Variants in ANAPC1 observed in about 807,000 individuals in gnomAD.
The protein encoded by ANAPC1 is anaphase-promoting complex subunit 1.
A neutral mutation model predicts 208.0 loss-of-function variants in ANAPC1; 36 were observed. That is an observed-to-expected ratio of 0.17 (90% CI 0.13 to 0.23). The LOEUF is 0.23. ANAPC1 is among the 10% of genes least tolerant of loss of function. ANAPC1 has a pLI of 1.00. For synonymous variants in ANAPC1, 378 were observed against 695.2 expected (o/e 0.54, Z 7.18); for missense variants, 942 against 2,011.6 (o/e 0.47, Z 10.17).
chr2:111,849,526 C>T (rs907099346), intron 14 of ANAPC1, among the ~76,000 whole-genome samples: 2 of 152,184 alleles, frequency 1.3e-5, no homozygotes, highest in African/African-American at 2.4e-5. Flanking sequence ...TAAACATCCA[C>T]ACTCACATGT....
chr2:111,877,538 A>G (rs1041722776), intron 3 of ANAPC1, among the ~76,000 whole-genome samples: 10 of 152,202 alleles, frequency 6.6e-5, no homozygotes, highest in Non-Finnish European at 1.0e-4. Context: ...GCACTTTGGG[A>G]GGCCGAGGTG....
chr2:111,788,965 C>T (rs1182991294), intron 38 of ANAPC1, among the ~76,000 whole-genome samples: 1 of 152,198 alleles, frequency 6.6e-6, no homozygotes, highest in Non-Finnish European at 1.5e-5. Context: ...GGTGAAACCC[C>T]ATCTCTACTA....
chr2:111,863,923 A>G (rs774177823), intron 8 of ANAPC1, 28 bp from the exon 9 acceptor site: 27 of 995,954 alleles, frequency 2.7e-5, no homozygotes, highest in Middle Eastern at 2.9e-4. Flanking sequence ...AGAAAGAGGA[A>G]AAAAAAAAAA....
intron 16 of ANAPC1, among the ~76,000 whole-genome samples, chr2:111,846,534 CATATATAT>C (rs1158119946): frequency 0.043 from 2,966 of 68,228 alleles, 145 homozygotes; most frequent in African/African-American, 0.11. Context: ...TATACATATA[CATATATAT>C]ATATATATAT....
chr2:111,879,169 C>T (rs1683169519), intron 2 of ANAPC1, among the ~76,000 whole-genome samples, 198 bp from the exon 3 acceptor site: 1 of 152,156 alleles, frequency 6.6e-6, no homozygotes, highest in African/African-American at 2.4e-5. Context: ...CAATAATTCT[C>T]TATATTGAAT....
intron 17 of ANAPC1, among the ~76,000 whole-genome samples, chr2:111,842,344 T>C (rs1680808957): frequency 6.6e-6 from 1 of 152,046 alleles, no homozygotes; most frequent in African/African-American, 2.4e-5. Context: ...AAAAACAAAT[T>C]TTAAAAATGG....
chr2:111,860,366 G>A (rs1247917183), intron 10 of ANAPC1, among the ~76,000 whole-genome samples: 1 of 148,640 alleles, frequency 6.7e-6, no homozygotes, highest in Non-Finnish European at 1.5e-5. Context: ...TTATAGTTCA[G>A]CAAAAACAAA....
intron 10 of ANAPC1, among the ~76,000 whole-genome samples, chr2:111,861,096 C>G (rs3863963): frequency 6.6e-6 from 1 of 151,918 alleles, no homozygotes; most frequent in East Asian, 1.9e-4. Context: ...TTTTCTTTTT[C>G]AGACAGTCTC....
intron 9 of ANAPC1, 47 bp downstream of exon 9, chr2:111,863,628 A>G: frequency 6.4e-7 from 1 of 1,564,608 alleles, no homozygotes; most frequent in Non-Finnish European, 8.7e-7. Context: ...TAAATCCTTC[A>G]AAACAAAACA....
At chr2:111,836,648 T>TA (rs57903027) in intron 18 of ANAPC1, among the ~76,000 whole-genome samples, 10,532 of 142,030 alleles carry the variant, frequency 0.074, 539 homozygotes, top group South Asian at 0.22. Context: ...CCCTGTCTCT[T>TA]AAAAAAAAAA....
intron 13 of ANAPC1, among the ~76,000 whole-genome samples, chr2:111,853,271 G>T (rs959436187): frequency 1.3e-5 from 2 of 152,070 alleles, no homozygotes; most frequent in Admixed American, 1.3e-4. Context: ...ATATAGTTGG[G>T]CTGTATTTTC....
intron 14 of ANAPC1, 48 bp downstream of exon 14, chr2:111,850,728 T>G (rs1456203637): frequency 1.9e-6 from 3 of 1,592,318 alleles, no homozygotes; most frequent in Admixed American, 3.7e-5. Flanking sequence ...TTAACCAAAC[T>G]TCTTTAAAAA....
At chr2:111,876,633 A>G (rs1190995911) in intron 3 of ANAPC1, among the ~76,000 whole-genome samples, 1 of 152,212 alleles carries the variant, frequency 6.6e-6, no homozygotes, top group Non-Finnish European at 1.5e-5. Context: ...AAAATTTACC[A>G]TCAAAAAGAT....
intron 20 of ANAPC1, among the ~76,000 whole-genome samples, chr2:111,832,794 G>A (rs767049532): frequency 6.6e-6 from 1 of 151,922 alleles, no homozygotes. Flanking sequence ...GCCAGGTGTG[G>A]TGGTGGGCAC....
rs559818654 is a variant in ANAPC1, at chr2:111,880,783, T to C, written c.43A>G (p.Arg15Gly). The change falls in exon 2 of 48, where the codon AGG becomes GGG. Residue 15 changes from arginine to glycine, a missense_variant. Transcript: ENST00000341068. ...AAAGGAACAAATTCCTGCAAATCCCTTGCTGCAATCATCGTTGTCCTTTCT... is the reference window on the plus strand; with the variant it reads ...AAAGGAACAAATTCCTGCAAATCCCCTGCTGCAATCATCGTTGTCCTTTCT... ...YEERTTMIAA[R>G]DLQEFVPFGR... 5 of 1,613,828 alleles carry C rather than the reference T, an allele frequency of 3.1e-6. No individual in the cohort carries two copies. The South Asian group carries it at 4.4e-5, about 14-fold the overall frequency.
At position 111,865,272 on chromosome 2, in the gene ANAPC1, C is replaced by CT. The variant is rs1292416598; in HGVS notation, c.686-322dup. Among the ~76,000 whole-genome samples the CT allele has an allele frequency of 3.9e-5, 6 of 152,248 alleles. No homozygotes were observed. In the East Asian group the frequency reaches 7.7e-4, roughly 20 times the overall value. ...AAAGGTCGATGATTTCTTCAACTGA[C>CT]TTATTTATAAATTGCACTCAACTAT... On this transcript the variant is annotated intron_variant, in intron 7 of 47. Coordinates refer to ENST00000341068, the MANE Select transcript of ANAPC1 (RefSeq NM_022662.4).
At chr2:111,832,658 G>A (rs535736248) in intron 20 of ANAPC1, among the ~76,000 whole-genome samples, 6 of 152,166 alleles carry the variant, frequency 3.9e-5, no homozygotes, top group Middle Eastern at 3.4e-3. Flanking sequence ...GGCCTGGCGC[G>A]GTGGCTCACG....
intron 43 of ANAPC1, among the ~76,000 whole-genome samples, chr2:111,782,013 G>A (rs569690264): frequency 3.9e-4 from 60 of 152,232 alleles, no homozygotes; most frequent in African/African-American, 1.4e-3. Flanking sequence ...TGCAAAACTC[G>A]TTTTCTATTT....
Position 111,873,667 on chromosome 2 carries a change from A to G in ANAPC1, c.376-3T>C. ...ATAATGAAGTCACACCACAATGCCT[A>G]AAATCAAAACAAAATGCTTACCTAA... On this transcript the variant is annotated splice_region_variant and splice_polypyrimidine_tract_variant and intron_variant, in intron 3 of 47. Coordinates refer to ENST00000341068, the MANE Select transcript of ANAPC1 (RefSeq NM_022662.4). 1 of 1,585,104 alleles carries G rather than the reference A, an allele frequency of 6.3e-7. No individual in the cohort carries two copies. Among genetic ancestry groups the G allele is most frequent in the Non-Finnish European group, 8.5e-7 (1 of 1,172,374 alleles).
Sources: gnomAD v4.1 joint callset for allele counts (sites outside exome capture counted in the v4.1 genomes callset) on GRCh38, gnomAD v4.1.1 for gene constraint, MANE v1.5 for transcripts, NCBI Gene and HGNC (gene_info 2026-07-23, HGNC 2026-07-21) for gene names.